Variants in PRSS27 observed in about 807,000 individuals in gnomAD.
PRSS27 encodes channel-activating protease 2.
Under a neutral mutation model 32.0 loss-of-function variants are expected in PRSS27, and 25 were observed. The ratio of observed to expected loss-of-function variants is 0.78; its 90% CI spans 0.57 to 1.09. The LOEUF (loss-of-function observed/expected upper bound fraction) is 1.09, where lower values mean the gene tolerates loss of function less well. Ranked by LOEUF, PRSS27 falls within the 50% of genes least tolerant of loss-of-function variation. PRSS27 has a pLI of 0.00. For synonymous variants in PRSS27, 178 were observed against 172.2 expected (o/e 1.03, Z -0.26); for missense variants, 401 against 394.9 (o/e 1.02, Z -0.13).
At position 2,714,201 on chromosome 16, in the gene PRSS27, G is replaced by A. The variant is rs1010575441; in HGVS notation, c.372C>T (p.Asp124=). Residue 124 remains aspartate (D), a synonymous_variant, in exon 4 of 6, where the codon GAC becomes GAT. Coordinates refer to ENST00000302641, the MANE Select transcript of PRSS27 (RefSeq NM_031948.5). This position sits in a 1 kb window ranked among gnomAD's most constrained non-coding sequence, Gnocchi z 4.7. ...PLYQGTASSA[D]VALVELEAPV... ...GTGCCTCCAGCTCCACCAGGGCCACGTCAGCGCTGGAGGCCGTGCCCTGGT... is the reference window on the plus strand; with the variant it reads ...GTGCCTCCAGCTCCACCAGGGCCACATCAGCGCTGGAGGCCGTGCCCTGGT... 14 of 1,613,900 alleles carry A rather than the reference G, an allele frequency of 8.7e-6. No individual in the cohort carries two copies. Among genetic ancestry groups the A allele is most frequent in the African/African-American group, 4.0e-5 (3 of 74,934 alleles).
intron 1 of PRSS27, among the ~76,000 whole-genome samples, chr16:2,718,794 C>A (rs539682573): frequency 2.0e-3 from 310 of 152,318 alleles, no homozygotes; most frequent in African/African-American, 7.1e-3. Flanking sequence ...TATCTTAGCC[C>A]AGGAGCTCCG....
Position 2,713,680 on chromosome 16 carries a change from C to T in PRSS27, c.527G>A (p.Arg176Gln), listed in dbSNP as rs145752273. 6.8e-5 allele frequency: 110 copies of T among 1,614,212 alleles called. 1 individual carries two copies. Among genetic ancestry groups the T allele is most frequent in the African/African-American group, 4.5e-4 (34 of 75,050 alleles). The change falls in exon 5 of 6, where the codon CGG becomes CAG. Residue 176 changes from arginine to glutamine, a missense_variant. Arg to Gln is a conservative substitution (Grantham distance 43, BLOSUM62 1). Coordinates refer to ENST00000302641, the MANE Select transcript of PRSS27 (RefSeq NM_031948.5). ...GGGCACAGCGAGTTTCTGCAGGATC[C>T]GCGGTTCGGGCAGGAGGTCTGGAGA... Reference protein sequence around the residue: ...PSEEDLLPEPRILQKLAVPII... With the variant: ...PSEEDLLPEPQILQKLAVPII...
intron 1 of PRSS27, chr16:2,718,123 T>A (rs910481311): frequency 6.6e-6 from 1 of 151,828 alleles, no homozygotes; most frequent in African/African-American, 2.4e-5. Context: ...TCTCTGGGAG[T>A]CTGCAGGAGC....
rs1167618641 is a variant in PRSS27, at chr16:2,712,566, G to A, written c.*54C>T. 15 of 1,479,920 alleles carry A rather than the reference G, an allele frequency of 1.0e-5. No homozygotes were observed. The highest frequency in any genetic ancestry group is 1.9e-4 in the Middle Eastern group (1 of 5,312). The allele number at this position is 1,479,920 out of a possible 1,614,324, so 91.7% of individuals were successfully genotyped here. A position where few individuals can be genotyped will look rare whatever the true frequency, so the allele number is the denominator to read the frequency against. On this transcript the variant is annotated 3_prime_UTR_variant, in exon 6 of 6. Transcript: ENST00000302641. This position sits in a 1 kb window ranked among gnomAD's most constrained non-coding sequence, Gnocchi z 4.6. The stretch of plus-strand genomic sequence containing the variant: ...CTGGGAGGACCAGCAGGATGGTGTG[G>A]GCGGGCAGGCTGGGTGCAGAGCTCT...
At chr16:2,715,984 G>T in intron 2 of PRSS27, 104 bp from the exon 3 acceptor site, 1 of 1,037,412 alleles carries the variant, frequency 9.6e-7, no homozygotes, top group Non-Finnish European at 1.4e-6. Flanking sequence ...TCCTGCCCCT[G>T]ACCTGCCCGA....
At chr16:2,719,088 G>A (rs2067719605) in intron 1 of PRSS27, among the ~76,000 whole-genome samples, 1 of 152,226 alleles carries the variant, frequency 6.6e-6, no homozygotes, top group South Asian at 2.1e-4. Flanking sequence ...CTGGGAGTGA[G>A]GACGTGTCCA....
In PRSS27 at chr16:2,712,577, T is replaced by G; in HGVS notation, c.*43A>C. ...AGCAGGATGGTGTGGGCGGGCAGGCTGGGTGCAGAGCTCTGCTCAAGGGGC... is the reference window on the plus strand; with the variant it reads ...AGCAGGATGGTGTGGGCGGGCAGGCGGGGTGCAGAGCTCTGCTCAAGGGGC... On this transcript the variant is annotated 3_prime_UTR_variant, in exon 6 of 6. Coordinates refer to ENST00000302641, the MANE Select transcript of PRSS27 (RefSeq NM_031948.5). This position sits in a 1 kb window ranked among gnomAD's most constrained non-coding sequence, Gnocchi z 4.6. 5.9e-6 allele frequency: 9 copies of G among 1,520,302 alleles called. No homozygotes were observed. Among genetic ancestry groups the G allele is most frequent in the Non-Finnish European group, 8.0e-6 (9 of 1,125,138 alleles). 94.2% of individuals were successfully genotyped at this position (1,520,302 alleles called of 1,614,324 possible).
At position 2,715,640 on chromosome 16, in the gene PRSS27, C is replaced by T. The variant is rs7191099; in HGVS notation, c.236+78G>A. ...CACCCGCAGGATTTGGCGCGGCGGG[C>T]GCTGTCCACGGTGCTGAACCGGTCG... is the stretch of plus-strand genomic sequence containing the variant. On this transcript the variant is annotated intron_variant, in intron 3 of 5. Coordinates refer to ENST00000302641, the MANE Select transcript of PRSS27 (RefSeq NM_031948.5). 2.4e-4 allele frequency: 288 copies of T among 1,191,984 alleles called. 1 individual carries two copies. In the African/African-American group the frequency reaches 4.3e-3, roughly 18 times the overall value. 73.8% of individuals were successfully genotyped at this position (1,191,984 alleles called of 1,614,324 possible).
Position 2,716,689 on chromosome 16 carries a change from C to G in PRSS27, c.47-163G>C, listed in dbSNP as rs79344115. On this transcript the variant is annotated intron_variant, in intron 1 of 5. Coordinates refer to ENST00000302641, the MANE Select transcript of PRSS27 (RefSeq NM_031948.5). ...GAGCCCAAGGGCCTGCAGTTTCCCC[C>G]CCAGGGCTGGCTCTGCCGTATGCTC... 2.7e-3 allele frequency: 1,888 copies of G among 690,828 alleles called. 29 individuals carry two copies. The African/African-American group carries it at 0.031, about 11-fold the overall frequency. The allele number at this position is 690,828 out of a possible 1,614,324, so 42.8% of individuals were successfully genotyped here.
Position 2,715,700 on chromosome 16 carries a change from A to G in PRSS27, c.236+18T>C, listed in dbSNP as rs759168530. On this transcript the variant is annotated intron_variant, in intron 3 of 5. Transcript: ENST00000302641. Reference sequence around the variant, plus strand: ...CGCTGTCAGCGCTATGGGCGGGGGCAGGGGCGGGCGGACTCACTTGCGGAA... The same window carrying G: ...CGCTGTCAGCGCTATGGGCGGGGGCGGGGGCGGGCGGACTCACTTGCGGAA... The G allele has an allele frequency of 6.6e-5, 99 of 1,505,282 alleles. No homozygotes were observed. Among genetic ancestry groups the G allele is most frequent in the Admixed American group, 4.6e-4 (23 of 50,400 alleles). The allele number at this position is 1,505,282 out of a possible 1,614,324, so 93.2% of individuals were successfully genotyped here.
At position 2,715,841 on chromosome 16, in the gene PRSS27, C is replaced by G; in HGVS notation, c.113G>C (p.Gly38Ala). 6.2e-7 allele frequency: 1 copy of G among 1,602,168 alleles called. No homozygotes were observed. Among genetic ancestry groups the G allele is most frequent in the Non-Finnish European group, 8.5e-7 (1 of 1,175,692 alleles). ...RPRMLNRMVGGQDTQEGEWPW... is the reference protein window; with the variant it reads ...RPRMLNRMVGAQDTQEGEWPW... ...CCACTCGCCCTCCTGCGTGTCCTGCCCGCCCACCATTCGGTTCAGCATCCT... is the reference window on the plus strand; with the variant it reads ...CCACTCGCCCTCCTGCGTGTCCTGCGCGCCCACCATTCGGTTCAGCATCCT... Residue 38 changes from glycine to alanine, a missense_variant, in exon 3 of 6, where the codon GGG (glycine) becomes GCG (alanine). Gly to Ala is a moderately conservative substitution (Grantham distance 60). Coordinates refer to ENST00000302641, the MANE Select transcript of PRSS27 (RefSeq NM_031948.5).
chr16:2,713,926 C>T (rs1464220777), intron 4 of PRSS27, 139 bp downstream of exon 4: 8 of 1,089,994 alleles, frequency 7.3e-6, no homozygotes, highest in East Asian at 7.1e-5. Context: ...CTGCTCCCCT[C>T]GGCCCCACCT....
chr16:2,715,918 G>A (rs1485489651), intron 2 of PRSS27, 38 bp from the exon 3 acceptor site: 1 of 1,505,712 alleles, frequency 6.6e-7, no homozygotes, highest in East Asian at 2.4e-5. Flanking sequence ...GCGCTCACTG[G>A]GGCTGGTTCC....
chr16:2,716,129 G>A, intron 2 of PRSS27: 3 of 533,758 alleles, frequency 5.6e-6, no homozygotes, highest in East Asian at 3.1e-5. Context: ...GGGCCACGGA[G>A]GCACTGAGAT....
Position 2,712,598 on chromosome 16 carries a change from G to A in PRSS27, c.*22C>T. On this transcript the variant is annotated 3_prime_UTR_variant, in exon 6 of 6. Transcript: ENST00000302641. This position sits in a 1 kb window ranked among gnomAD's most constrained non-coding sequence, Gnocchi z 4.6. ...AGGCTGGGTGCAGAGCTCTGCTCAA[G>A]GGGCTCCTGGCCCCGGGGGTCTCAC... The A allele has an allele frequency of 6.4e-7, 1 of 1,561,598 alleles. No homozygotes were observed. The highest frequency in any genetic ancestry group is 8.7e-7 in the Non-Finnish European group (1 of 1,152,554).
chr16:2,713,046 C>T, intron 5 of PRSS27: 1 of 551,786 alleles, frequency 1.8e-6, no homozygotes. Flanking sequence ...TTGTGCCCCA[C>T]CCCAGACCCA....
intron 1 of PRSS27, chr16:2,716,951 C>T (rs767260320): frequency 9.9e-6 from 2 of 201,234 alleles, no homozygotes; most frequent in South Asian, 1.1e-4. Context: ...CAGCTCAGAG[C>T]GGAAGAGGCC....
In PRSS27 at chr16:2,716,276, C is replaced by A. The variant is rs2067701928; in HGVS notation, c.73+224G>T. ...CAGGGTGATCCTCAGACCCTGCCGCCCTCATCCTGCACCGCGCCTCAAGGC... is the reference window on the plus strand; with the variant it reads ...CAGGGTGATCCTCAGACCCTGCCGCACTCATCCTGCACCGCGCCTCAAGGC... On this transcript the variant is annotated intron_variant, in intron 2 of 5. Coordinates refer to ENST00000302641, the MANE Select transcript of PRSS27 (RefSeq NM_031948.5). 6.6e-6 allele frequency: 4 copies of A among 606,324 alleles called. No homozygotes were observed. In the Admixed American group the frequency reaches 8.6e-5, roughly 13 times the overall value. The allele number at this position is 606,324 out of a possible 1,614,324, so 37.6% of individuals were successfully genotyped here. A position where few individuals can be genotyped will look rare whatever the true frequency, so the allele number is the denominator to read the frequency against.
Position 2,714,455 on chromosome 16 carries a change from C to T in PRSS27, c.237-119G>A, listed in dbSNP as rs752619126. On this transcript the variant is annotated intron_variant, in intron 3 of 5. Coordinates refer to ENST00000302641, the MANE Select transcript of PRSS27 (RefSeq NM_031948.5). The surrounding 1 kb of genome is among the most constrained non-coding windows in gnomAD (Gnocchi z 4.7). ...CACACCTCTCTCTGCACAATGTCTT[C>T]GAGAGTCATCTCTAGGACAGCCAGG... 55 of 1,153,562 alleles carry T rather than the reference C, an allele frequency of 4.8e-5. No homozygotes were observed. Among genetic ancestry groups the T allele is most frequent in the South Asian group, 1.4e-4 (10 of 72,990 alleles). 71.5% of individuals were successfully genotyped at this position (1,153,562 alleles called of 1,614,324 possible).
Sources: allele counts gnomAD v4.1 joint callset (sites outside exome capture counted in the v4.1 genomes callset), GRCh38; gene constraint gnomAD v4.1.1; non-coding constraint Gnocchi (gnomAD v3.1); transcripts MANE v1.5; gene names NCBI Gene and HGNC (gene_info 2026-07-23, HGNC 2026-07-21).